Variants in BTBD10 observed in about 807,000 individuals in gnomAD.
BTBD10 encodes the protein BTB domain containing 10, also known as BTB/POZ domain-containing protein 10.
A neutral mutation model predicts 53.2 loss-of-function variants in BTBD10; 21 were observed. That is an observed-to-expected ratio of 0.39 (90% CI 0.28 to 0.57). BTBD10 has a LOEUF of 0.57. Ranked by LOEUF, BTBD10 falls within the 20% of genes least tolerant of loss-of-function variation. The pLI, the probability that BTBD10 is intolerant of heterozygous loss-of-function variation, is 0.53. For synonymous variants in BTBD10, 149 were observed against 192.7 expected (o/e 0.77, Z 1.88); for missense variants, 360 against 594.7 (o/e 0.61, Z 4.10).
intron 1 of BTBD10, among the ~76,000 whole-genome samples, chr11:13,452,694 C>T (rs1332077495): frequency 1.3e-5 from 2 of 152,016 alleles, no homozygotes; most frequent in African/African-American, 2.4e-5. Context: ...GTAATGAAGA[C>T]GTTTTAGAAT....
intron 5 of BTBD10, 65 bp downstream of exon 5, chr11:13,417,093 G>T: frequency 1.7e-6 from 2 of 1,159,198 alleles, no homozygotes; most frequent in Non-Finnish European, 2.5e-6. Flanking sequence ...AGAATTCTGC[G>T]TCTAATCCAA....
intron 5 of BTBD10, among the ~76,000 whole-genome samples, chr11:13,416,397 C>T (rs1225311080): frequency 1.3e-5 from 2 of 151,870 alleles, no homozygotes; most frequent in African/African-American, 4.8e-5. Context: ...CAATAAAAAA[C>T]TAAAGATGTT....
At chr11:13,412,841 A>T (rs1017075637) in intron 6 of BTBD10, among the ~76,000 whole-genome samples, 1 of 152,154 alleles carries the variant, frequency 6.6e-6, no homozygotes, top group Non-Finnish European at 1.5e-5. Context: ...GATACTTCTC[A>T]TACACTATTT....
chr11:13,450,183 C>T (rs1379369903), intron 1 of BTBD10, among the ~76,000 whole-genome samples: 3 of 152,018 alleles, frequency 2.0e-5, no homozygotes, highest in Non-Finnish European at 4.4e-5. Context: ...CTACAGAGGT[C>T]CAAATATCCA....
intron 1 of BTBD10, among the ~76,000 whole-genome samples, chr11:13,451,996 T>C (rs1475360795): frequency 6.6e-6 from 1 of 151,664 alleles, no homozygotes; most frequent in African/African-American, 2.4e-5. Context: ...CAATGGCATA[T>C]GGAGATAACA....
intron 7 of BTBD10, among the ~76,000 whole-genome samples, chr11:13,403,886 T>C (rs1949762210): frequency 1.3e-5 from 2 of 152,196 alleles, no homozygotes; most frequent in South Asian, 4.1e-4. Flanking sequence ...AAACTGGCTT[T>C]GCAAAGGACA....
chr11:13,402,192 C>T (rs1254723823), intron 8 of BTBD10, among the ~76,000 whole-genome samples: 1 of 152,168 alleles, frequency 6.6e-6, no homozygotes, highest in Admixed American at 6.5e-5. Context: ...CCTTCCCACA[C>T]AAAAATCCTG....
intron 2 of BTBD10, among the ~76,000 whole-genome samples, chr11:13,437,404 T>C (rs1224371461): frequency 1.3e-5 from 2 of 152,218 alleles, no homozygotes; most frequent in Non-Finnish European, 2.9e-5. Context: ...AAAAAGTTCA[T>C]CTAAACTTAG....
In BTBD10 at chr11:13,457,345, T is replaced by C. The variant is rs1218800517; in HGVS notation, c.-58+5747A>G. On this transcript the variant is annotated intron_variant, in intron 1 of 8. Coordinates refer to ENST00000278174, the MANE Select transcript of BTBD10 (RefSeq NM_032320.7). The stretch of plus-strand genomic sequence containing the variant: ...TGTAAATATATTCACTGTGGCATTA[T>C]TTGTAATGGTAAAAGACTAAAACAA... Among the ~76,000 whole-genome samples the C allele has an allele frequency of 2.0e-5, 3 of 152,146 alleles. No individual in the cohort carries two copies. The East Asian group carries it at 5.8e-4, about 29-fold the overall frequency.
At chr11:13,418,396 T>C (rs920575067) in intron 4 of BTBD10, among the ~76,000 whole-genome samples, 6 of 151,942 alleles carry the variant, frequency 3.9e-5, no homozygotes, top group Non-Finnish European at 7.4e-5. Flanking sequence ...CTTTAAAACG[T>C]TTTTTTAAGA....
Position 13,397,273 on chromosome 11 carries a change from A to AGT in BTBD10, c.1117+5893_1117+5894dup, listed in dbSNP as rs1447992700. 2.0e-5 allele frequency among the ~76,000 whole-genome samples: 3 copies of AGT among 151,924 alleles called. 1 individual carries two copies. The highest frequency in any genetic ancestry group is 4.8e-5 in the African/African-American group (2 of 41,358). On this transcript the variant is annotated intron_variant, in intron 8 of 8. Coordinates refer to ENST00000278174, the MANE Select transcript of BTBD10 (RefSeq NM_032320.7). ...CTTCTTCCTGGTTTAGTCTTGGGAGAGTGTATGTGTCCAGGAATTTATCCA... is the reference window on the plus strand; with the variant it reads ...CTTCTTCCTGGTTTAGTCTTGGGAGAGTGTGTATGTGTCCAGGAATTTATCCA...
At chr11:13,390,920 T>G (rs1949392429) in intron 8 of BTBD10, among the ~76,000 whole-genome samples, 2 of 152,292 alleles carry the variant, frequency 1.3e-5, no homozygotes, top group South Asian at 4.1e-4. Flanking sequence ...CATTTCATAC[T>G]TTTGGTCAAT....
chr11:13,388,646 G>C lies in BTBD10; in HGVS notation c.*185C>G, dbSNP rs1159868984. The C allele has an allele frequency of 5.2e-6, 3 of 577,378 alleles. No individual in the cohort carries two copies. Among genetic ancestry groups the C allele is most frequent in the East Asian group, 2.9e-5 (1 of 34,978 alleles). 35.8% of individuals were successfully genotyped at this position (577,378 alleles called of 1,614,324 possible). On this transcript the variant is annotated 3_prime_UTR_variant, in exon 9 of 9. Transcript: ENST00000278174. ...TTACAACTGGAACTTCAAAATGCTA[G>C]AGTTGTACTCATTTAAAAAAAAACC...
At chr11:13,430,159 G>T (rs1210523043) in intron 2 of BTBD10, among the ~76,000 whole-genome samples, 1 of 152,042 alleles carries the variant, frequency 6.6e-6, no homozygotes, top group East Asian at 1.9e-4. Context: ...CAGACTGGGA[G>T]AAAATATTTG....
chr11:13,453,378 T>G (rs929195045), intron 1 of BTBD10, among the ~76,000 whole-genome samples: 1 of 152,164 alleles, frequency 6.6e-6, no homozygotes, highest in African/African-American at 2.4e-5. Flanking sequence ...AAATATCACA[T>G]AAAATTAAAA....
At position 13,413,797 on chromosome 11, in the gene BTBD10, C is replaced by T. The variant is rs1274944352; in HGVS notation, c.688-147G>A. ...GTGGAAGTTTAAACTTAGATGAGAC[C>T]TCCGTTCACCTAACTACTTTTTCAT... On this transcript the variant is annotated intron_variant, in intron 5 of 8. Transcript: ENST00000278174. 7.7e-6 allele frequency: 5 copies of T among 650,118 alleles called. No homozygotes were observed. In the South Asian group the frequency reaches 1.5e-4, roughly 19 times the overall value. 40.3% of individuals were successfully genotyped at this position (650,118 alleles called of 1,614,324 possible).
chr11:13,440,650 T>C (rs987250987), intron 2 of BTBD10, among the ~76,000 whole-genome samples: 2 of 152,204 alleles, frequency 1.3e-5, no homozygotes, highest in Non-Finnish European at 2.9e-5. Context: ...GAAACTGGAA[T>C]GTTCAGACTT....
chr11:13,403,395 A>G, intron 7 of BTBD10, 117 bp from the exon 8 acceptor site: 1 of 517,914 alleles, frequency 1.9e-6, no homozygotes, highest in Non-Finnish European at 3.4e-6. Flanking sequence ...TAATGGATGC[A>G]GTAATGCCAA....
chr11:13,403,315 T>G (rs1383173943), intron 7 of BTBD10, 37 bp from the exon 8 acceptor site: 60 of 1,183,488 alleles, frequency 5.1e-5, no homozygotes, highest in Non-Finnish European at 6.9e-5. Context: ...GTATTAAAAT[T>G]AAAGGATTTA....
Sources: allele counts gnomAD v4.1 joint callset (sites outside exome capture counted in the v4.1 genomes callset), GRCh38; gene constraint gnomAD v4.1.1; transcripts MANE v1.5; gene names NCBI Gene and HGNC (gene_info 2026-07-23, HGNC 2026-07-21).